Variants in MEGF6 observed in about 807,000 individuals in gnomAD.
MEGF6 encodes the protein multiple epidermal growth factor-like domains protein 6.
In MEGF6, 184 loss-of-function variants were observed where a neutral mutation model predicts 207.1. The ratio of observed to expected loss-of-function variants is 0.89; its 90% CI spans 0.79 to 1.00. The LOEUF is 1.00. Among genes scored for constraint, MEGF6 ranks in the 50% least tolerant of loss-of-function variants. The pLI, the probability that MEGF6 is intolerant of heterozygous loss-of-function variation, is 0.00. For synonymous variants in MEGF6, 1,038 were observed against 910.0 expected, an observed-to-expected ratio of 1.14 and a Z score of -2.53; for missense variants, 2,282 against 2,202.9, an observed-to-expected ratio of 1.04 and a Z score of -0.72.
rs755943982 is a variant in MEGF6, at chr1:3,511,551, G to C, written c.1113C>G (p.Ile371Met). Residue 371 changes from isoleucine (I) to methionine (M), a missense_variant and splice_region_variant, in exon 9 of 37, where the codon ATC becomes ATG. By Grantham distance (10) the Ile-to-Met change is conservative. Coordinates refer to ENST00000356575, the MANE Select transcript of MEGF6 (RefSeq NM_001409.4). Reference sequence around the variant, plus strand: ...CATCTGGGAGGAGCCAGTGCGCACCGATGCAGGTCCTCTGATCTGTGTCCA... The same window carrying C: ...CATCTGGGAGGAGCCAGTGCGCACCCATGCAGGTCCTCTGATCTGTGTCCA... ...YELDTDQRTC[I>M]DVDDCADSPC... The C allele has an allele frequency of 9.4e-6, 15 of 1,603,874 alleles. No homozygotes were observed. The highest frequency in any genetic ancestry group is 1.3e-5 in the Non-Finnish European group (15 of 1,173,320).
In MEGF6 at chr1:3,487,988, CAAT is replaced by C. The variant is rs1369904038; in HGVS notation, c.*2537_*2539del. ...TGTTTTTAATGATGTTTTTAATTGACAATAATTGTAGATATTCATCGGATACAC... is the reference window on the plus strand; with the variant it reads ...TGTTTTTAATGATGTTTTTAATTGACAATTGTAGATATTCATCGGATACAC... On this transcript the variant is annotated 3_prime_UTR_variant, in exon 37 of 37. Coordinates refer to ENST00000356575, the MANE Select transcript of MEGF6 (RefSeq NM_001409.4). 6.6e-6 allele frequency among the ~76,000 whole-genome samples: 1 copy of C among 152,032 alleles called. No homozygotes were observed. The highest frequency in any genetic ancestry group is 1.5e-5 in the Non-Finnish European group (1 of 68,010).
At chr1:3,611,104 G>GACC in intron 1 of MEGF6, 34 bp downstream of exon 1, 1 of 1,452,440 alleles carries the variant, frequency 6.9e-7, no homozygotes, top group South Asian at 1.4e-5. Flanking sequence ...GTCCCTGGAC[G>GACC]ACCGGCCGAG....
chr1:3,549,586 T>G (rs149532351), intron 4 of MEGF6, among the ~76,000 whole-genome samples: 2 of 152,312 alleles, frequency 1.3e-5, no homozygotes, highest in Non-Finnish European at 2.9e-5. Flanking sequence ...GTTGACTGCA[T>G]GCAGAAGGGT....
rs1643576270 is a variant in MEGF6 at position 3,573,910 on chromosome 1, C to A, written c.481+5915G>T. On this transcript the variant is annotated intron_variant, in intron 4 of 36. Transcript: ENST00000356575. This position sits in a 1 kb window ranked among gnomAD's most constrained non-coding sequence, Gnocchi z 5.1. ...TGGTCCCAGTTTAGAAACAGTCGCC[C>A]TGAGCCAACGCCAAGGGCTAAACGG... is the stretch of plus-strand genomic sequence containing the variant. Among the ~76,000 whole-genome samples the A allele has an allele frequency of 6.6e-6, 1 of 152,184 alleles. No homozygotes were observed.
intron 2 of MEGF6, among the ~76,000 whole-genome samples, chr1:3,595,728 C>T (rs1187599581): frequency 1.3e-5 from 2 of 152,168 alleles, no homozygotes; most frequent in African/African-American, 2.4e-5. Flanking sequence ...CCTGCCTGGC[C>T]CCCTCCCTCC....
intron 26 of MEGF6, among the ~76,000 whole-genome samples, chr1:3,497,815 C>T (rs956155151): frequency 1.3e-5 from 2 of 152,188 alleles, no homozygotes; most frequent in Non-Finnish European, 2.9e-5. Context: ...AGCAAGGGAC[C>T]GCCCAAGTTG....
chr1:3,575,323 C>A (rs910076350), intron 4 of MEGF6, among the ~76,000 whole-genome samples: 9 of 152,096 alleles, frequency 5.9e-5, no homozygotes, highest in Non-Finnish European at 1.0e-4. Context: ...TCTGATGGGA[C>A]CCCAAAGTCC....
chr1:3,499,201 A>G lies in MEGF6; in HGVS notation c.3031T>C (p.Cys1011Arg). ...QACACFNGAS[C>R]DPVHGQCHCA... is the part of the protein sequence containing the mutation. ...TGGCACTGCCCGTGGACAGGGTCACAGGAGGCCCCGTTAAAGCAGGCACAG... is the reference window on the plus strand; with the variant it reads ...TGGCACTGCCCGTGGACAGGGTCACGGGAGGCCCCGTTAAAGCAGGCACAG... The change falls in exon 24 of 37, where the codon TGT (cysteine) becomes CGT (arginine). Residue 1011 changes from cysteine to arginine, a missense_variant. Physicochemically the swap from Cys to Arg is radical, Grantham distance 180 (BLOSUM62 -3). Transcript: ENST00000356575. 6.2e-7 allele frequency: 1 copy of G among 1,604,634 alleles called. No homozygotes were observed. Among genetic ancestry groups the G allele is most frequent in the Non-Finnish European group, 8.5e-7 (1 of 1,176,800 alleles).
intron 10 of MEGF6, 140 bp downstream of exon 10, chr1:3,510,643 C>A: frequency 8.1e-7 from 1 of 1,238,884 alleles, no homozygotes; most frequent in Non-Finnish European, 1.1e-6. Flanking sequence ...GCTCAACCAA[C>A]ACCCACAGCC....
In MEGF6 at chr1:3,490,898, C is replaced by T. The variant is rs1255515250; in HGVS notation, c.4564+14G>A. On this transcript the variant is annotated intron_variant, in intron 36 of 36. Transcript: ENST00000356575. Reference sequence around the variant, plus strand: ...CCTCCTGGCAAGCCCACGGGCATTCCCCACACCCCTTACCTGAGCCCTGGG... The same window carrying T: ...CCTCCTGGCAAGCCCACGGGCATTCTCCACACCCCTTACCTGAGCCCTGGG... The T allele has an allele frequency of 2.5e-6, 4 of 1,581,792 alleles. No homozygotes were observed. Among genetic ancestry groups the T allele is most frequent in the Non-Finnish European group, 3.4e-6 (4 of 1,163,490 alleles).
At chr1:3,500,886 G>C (rs530123735) in intron 20 of MEGF6, 80 bp downstream of exon 20, 1 of 1,601,950 alleles carries the variant, frequency 6.2e-7, no homozygotes, top group African/African-American at 1.3e-5. Flanking sequence ...CCTAGTCCTC[G>C]GGGGCCCTGG....
rs563304295 is a variant in MEGF6, at chr1:3,499,275, G to A, written c.2966-9C>T. ...GGTGTGGGCTGGGCAGGCTGCAGGT[G>A]GAGAGGGCTGGTCAGAGCCAGGGGT... On this transcript the variant is annotated splice_polypyrimidine_tract_variant and intron_variant, in intron 23 of 36. Coordinates refer to ENST00000356575, the MANE Select transcript of MEGF6 (RefSeq NM_001409.4). 11 of 1,598,098 alleles carry A rather than the reference G, an allele frequency of 6.9e-6. No individual in the cohort carries two copies. The highest frequency in any genetic ancestry group is 4.0e-5 in the African/African-American group (3 of 74,636).
At chr1:3,532,520 A>G (rs1246872263) in intron 4 of MEGF6, among the ~76,000 whole-genome samples, 1 of 152,122 alleles carries the variant, frequency 6.6e-6, no homozygotes, top group Non-Finnish European at 1.5e-5. Context: ...GCCCGCCCAC[A>G]CTGTTCCCGG....
chr1:3,551,855 C>T (rs1370911919), intron 4 of MEGF6, among the ~76,000 whole-genome samples: 1 of 152,194 alleles, frequency 6.6e-6, no homozygotes, highest in Non-Finnish European at 1.5e-5. Flanking sequence ...GCCTCCGGCA[C>T]TTGTAAAACC....
chr1:3,494,595 C>A lies in MEGF6; in HGVS notation c.4000+18G>T. On this transcript the variant is annotated intron_variant, in intron 31 of 36. Transcript: ENST00000356575. ...TCCCTGAGGGGATGCTGGGGTCCCG[C>A]TGGCCCCGCACACTCACCCAGCTCG... 1 of 1,560,322 alleles carries A rather than the reference C, an allele frequency of 6.4e-7. No individual in the cohort carries two copies.
chr1:3,590,305 A>C (rs1643955285), intron 3 of MEGF6, among the ~76,000 whole-genome samples: 1 of 151,966 alleles, frequency 6.6e-6, no homozygotes, highest in South Asian at 2.1e-4. Context: ...GACCAGGGAG[A>C]CTCCGGCTGA....
At chr1:3,526,398 AT>A (rs57377827) in intron 4 of MEGF6, among the ~76,000 whole-genome samples, 11,661 of 130,824 alleles carry the variant, frequency 0.089, 766 homozygotes, top group African/African-American at 0.2. Flanking sequence ...GGTGACACCT[AT>A]TTTTTTTTTT....
intron 4 of MEGF6, among the ~76,000 whole-genome samples, chr1:3,552,695 C>T (rs1427816639): frequency 2.6e-5 from 4 of 152,176 alleles, no homozygotes; most frequent in Non-Finnish European, 5.9e-5. Context: ...AAGATTCTGT[C>T]TCTAAAAAAA....
chr1:3,489,104 C>A lies in MEGF6; in HGVS notation c.*1424G>T, dbSNP rs928457245. Among the ~76,000 whole-genome samples, 3 of 152,238 alleles carry A rather than the reference C, an allele frequency of 2.0e-5. No homozygotes were observed. Among genetic ancestry groups the A allele is most frequent in the Admixed American group, 1.3e-4 (2 of 15,288 alleles). On this transcript the variant is annotated 3_prime_UTR_variant, in exon 37 of 37. Coordinates refer to ENST00000356575, the MANE Select transcript of MEGF6 (RefSeq NM_001409.4). ...CGTTTTCCACACTCCGTCTGCACCC[C>A]AGTCCGTCTCTCTCTGGCTGCTGCT...
Sources: gnomAD v4.1 joint callset for allele counts (sites outside exome capture counted in the v4.1 genomes callset) on GRCh38, gnomAD v4.1.1 for gene constraint, Gnocchi (gnomAD v3.1) non-coding constraint, MANE v1.5 for transcripts, NCBI Gene and HGNC (gene_info 2026-07-23, HGNC 2026-07-21) for gene names.